The following B4GALNT3 variants were observed in gnomAD, a reference collection of about 807,000 sequenced individuals.
B4GALNT3 encodes the protein beta-1,4-N-acetyl-galactosaminyltransferase 3.
B4GALNT3 carries 86 observed loss-of-function variants against 120.2 expected under a neutral mutation model. The ratio of observed to expected loss-of-function variants is 0.72; its 90% confidence interval spans 0.60 to 0.86. The LOEUF (loss-of-function observed/expected upper bound fraction) is 0.86. Among genes scored for constraint, B4GALNT3 ranks in the 40% least tolerant of loss-of-function variants. B4GALNT3 has a pLI of 0.00. For synonymous variants in B4GALNT3, 518 were observed against 510.4 expected, an observed-to-expected ratio of 1.01 and a Z score of -0.20; for missense variants, 1,167 against 1,298.9, an observed-to-expected ratio of 0.90 and a Z score of 1.56.
At chr12:487,266 C>T (rs575691597) in intron 1 of B4GALNT3, among the ~76,000 whole-genome samples, 27 of 152,100 alleles carry the variant, frequency 1.8e-4, no homozygotes, top group African/African-American at 9.7e-5. Flanking sequence ...ATATTTGAAA[C>T]GATAGCAACT....
At chr12:476,543 G>A (rs1408818088) in intron 1 of B4GALNT3, among the ~76,000 whole-genome samples, 1 of 152,168 alleles carries the variant, frequency 6.6e-6, no homozygotes, top group African/African-American at 2.4e-5. Context: ...CATAGGAGTT[G>A]GAGGCTGTAG....
intron 1 of B4GALNT3, among the ~76,000 whole-genome samples, chr12:522,081 C>T (rs1946716168): frequency 6.6e-6 from 1 of 152,068 alleles, no homozygotes; most frequent in South Asian, 2.1e-4. Context: ...CTCCATCAAA[C>T]ATGAGCTTTG....
intron 19 of B4GALNT3, 80 bp downstream of exon 19, chr12:559,501 A>G: frequency 1.3e-6 from 2 of 1,576,898 alleles, no homozygotes; most frequent in African/African-American, 2.7e-5. Context: ...ACAGCAGCCT[A>G]GCTGTCCCCC....
chr12:460,202 C>T lies in B4GALNT3; in HGVS notation c.-175C>T, dbSNP rs1410613621. Among the ~76,000 whole-genome samples the T allele has an allele frequency of 6.7e-6, 1 of 150,242 alleles. No homozygotes were observed. The highest frequency in any genetic ancestry group is 1.5e-5 in the Non-Finnish European group (1 of 67,184). On this transcript the variant is annotated 5_prime_UTR_variant, in exon 1 of 20. Transcript: ENST00000266383. The surrounding 1 kb of genome is among the most constrained non-coding windows in gnomAD (Gnocchi z 8.0). ...GCGCCCGCGCAGCCCGGAGACCCCTCGCGCCCGGAGCATGAGCCCGAGCCC... is the reference window on the plus strand; with the variant it reads ...GCGCCCGCGCAGCCCGGAGACCCCTTGCGCCCGGAGCATGAGCCCGAGCCC...
chr12:514,492 C>T (rs975548230), intron 1 of B4GALNT3, among the ~76,000 whole-genome samples: 1 of 152,058 alleles, frequency 6.6e-6, no homozygotes, highest in East Asian at 1.9e-4. Context: ...CCACCACGCC[C>T]AGCCTATTTT....
Position 460,803 on chromosome 12 carries a change from C to G in B4GALNT3, c.169+258C>G, listed in dbSNP as rs1429194355. ...GGCACCCTGGGGGCTCCTCGCGTCT[C>G]CCCTCGGAGAGCGACCCGGAGAGAG... On this transcript the variant is annotated intron_variant, in intron 1 of 19. Coordinates refer to ENST00000266383, the MANE Select transcript of B4GALNT3 (RefSeq NM_173593.4). This position sits in a 1 kb window ranked among gnomAD's most constrained non-coding sequence, Gnocchi z 8.0. Among the ~76,000 whole-genome samples the G allele has an allele frequency of 6.6e-6, 1 of 152,088 alleles. No homozygotes were observed.
At position 534,676 on chromosome 12, in the gene B4GALNT3, C is replaced by A. The variant is rs144558157; in HGVS notation, c.170-490C>A. ...ACATCACATCCCAGGCCCACTCTTT[C>A]CTGCCTCTCTCAGCTCCGGCTCTAT... On this transcript the variant is annotated intron_variant, in intron 1 of 19. Coordinates refer to ENST00000266383, the MANE Select transcript of B4GALNT3 (RefSeq NM_173593.4). Among the ~76,000 whole-genome samples, 160 of 152,330 alleles carry A rather than the reference C, an allele frequency of 1.1e-3. 1 individual carries two copies. Among genetic ancestry groups the A allele is most frequent in the African/African-American group, 3.8e-3 (157 of 41,572 alleles).
At chr12:542,351 C>T (rs1005138598) in intron 3 of B4GALNT3, among the ~76,000 whole-genome samples, 1 of 152,230 alleles carries the variant, frequency 6.6e-6, no homozygotes, top group Non-Finnish European at 1.5e-5. Flanking sequence ...TTCCCTGCCC[C>T]CTCCTCTCCC....
chr12:532,454 G>A (rs1946817908), intron 1 of B4GALNT3, among the ~76,000 whole-genome samples: 1 of 152,236 alleles, frequency 6.6e-6, no homozygotes, highest in East Asian at 1.9e-4. Flanking sequence ...TGGGAGAGAG[G>A]CTTCAGGACA....
At chr12:465,199 C>T (rs1362860852) in intron 1 of B4GALNT3, among the ~76,000 whole-genome samples, 3 of 152,132 alleles carry the variant, frequency 2.0e-5, no homozygotes, top group Non-Finnish European at 4.4e-5. Flanking sequence ...CGTGGTTTAC[C>T]TCTCGTGTAG....
In B4GALNT3 at chr12:496,370, T is replaced by C. The variant is rs1946387329; in HGVS notation, c.169+35825T>C. ...GTCCCAGCACTTTGGGAGGCCGAGG[T>C]GGGCAGATCACTTGAGGTCAGGAGT... On this transcript the variant is annotated intron_variant, in intron 1 of 19. Coordinates refer to ENST00000266383, the MANE Select transcript of B4GALNT3 (RefSeq NM_173593.4). Among the ~76,000 whole-genome samples, 4 of 151,982 alleles carry C rather than the reference T, an allele frequency of 2.6e-5. No individual in the cohort carries two copies. In the South Asian group the frequency reaches 8.3e-4, roughly 32 times the overall value.
chr12:533,768 A>G (rs1946830811), intron 1 of B4GALNT3, among the ~76,000 whole-genome samples: 1 of 152,190 alleles, frequency 6.6e-6, no homozygotes, highest in African/African-American at 2.4e-5. Flanking sequence ...CAGTAAGCCG[A>G]AAGGGCCCAC....
At chr12:527,549 G>A (rs957946391) in intron 1 of B4GALNT3, among the ~76,000 whole-genome samples, 7 of 152,216 alleles carry the variant, frequency 4.6e-5, no homozygotes, top group Admixed American at 6.5e-5. Flanking sequence ...GTAGCGTCGG[G>A]GAAGAGACTT....
chr12:468,930 T>TG (rs1404977255), intron 1 of B4GALNT3, among the ~76,000 whole-genome samples: 2 of 151,944 alleles, frequency 1.3e-5, no homozygotes, highest in East Asian at 3.9e-4. Flanking sequence ...TAGAGAGAGG[T>TG]GGGAGTGGAA....
In B4GALNT3 at chr12:549,700, C is replaced by T. The variant is rs538691124; in HGVS notation, c.854-69C>T. 4.5e-5 allele frequency: 71 copies of T among 1,593,932 alleles called. 1 individual carries two copies. In the South Asian group the frequency reaches 7.3e-4, roughly 16 times the overall value. ...GCCCCTTCTGCGTCTCTTCCCTCCC[C>T]TTCAAGGGCAGTGGGCTGCTGCGCT... is the stretch of plus-strand genomic sequence containing the variant. On this transcript the variant is annotated intron_variant, in intron 9 of 19. Transcript: ENST00000266383.
In B4GALNT3 at chr12:557,693, C is replaced by T. The variant is rs764613664; in HGVS notation, c.2466C>T (p.Ile822=). The change falls in exon 16 of 20, where the codon ATC becomes ATT. Residue 822 remains isoleucine, a synonymous_variant. Transcript: ENST00000266383. ...TCACCGGTGACCCACACTTCAACAT[C>T]GTCATCACTGACTATAGCAGTGAGG... ...FQVTGDPHFN[I]VITDYSSEDM... 18 of 1,608,874 alleles carry T rather than the reference C, an allele frequency of 1.1e-5. No individual in the cohort carries two copies. Among genetic ancestry groups the T allele is most frequent in the Admixed American group, 3.4e-5 (2 of 58,858 alleles).
At position 521,393 on chromosome 12, in the gene B4GALNT3, T is replaced by C. The variant is rs112173801; in HGVS notation, c.170-13773T>C. Among the ~76,000 whole-genome samples the C allele has an allele frequency of 4.8e-3, 731 of 152,256 alleles. 4 individuals carry two copies. The highest frequency in any genetic ancestry group is 8.1e-3 in the Non-Finnish European group (549 of 68,002). On this transcript the variant is annotated intron_variant, in intron 1 of 19. Transcript: ENST00000266383. ...CTGGAGCCGGGTCACTGGGTGGCTG[T>C]TGAGATCTAATCACTGCCGTGGTTC...
intron 1 of B4GALNT3, among the ~76,000 whole-genome samples, chr12:484,819 T>C (rs562076914): frequency 2.7e-5 from 4 of 148,248 alleles, no homozygotes; most frequent in South Asian, 4.3e-4. Flanking sequence ...AAAAAACCAC[T>C]CGTTTTGGTT....
At chr12:554,013 G>T in intron 14 of B4GALNT3, 30 bp downstream of exon 14, 3 of 1,514,626 alleles carry the variant, frequency 2.0e-6, no homozygotes, top group South Asian at 1.1e-5. Context: ...TGGGGCCAGG[G>T]ACTGGGGCAC....
Sources: allele counts gnomAD v4.1 joint callset (sites outside exome capture counted in the v4.1 genomes callset), GRCh38; gene constraint gnomAD v4.1.1; non-coding constraint Gnocchi (gnomAD v3.1); transcripts MANE v1.5; gene names NCBI Gene and HGNC (gene_info 2026-07-23, HGNC 2026-07-21).